NUP160: variants seen among roughly 807,000 people sequenced by gnomAD.
NUP160 encodes the protein nucleoporin 160.
In NUP160, 94 loss-of-function variants were observed where a neutral mutation model predicts 196.9. The observed-to-expected ratio is 0.48, with a 90% confidence interval of 0.40 to 0.57. NUP160 has a LOEUF of 0.57. Among genes scored for constraint, NUP160 ranks in the 20% least tolerant of loss-of-function variants. The probability of loss-of-function intolerance (pLI) is 0.00; values close to 1 mark genes in which losing one functional copy is unlikely to be tolerated. For missense variants in NUP160, 1,638 were observed against 1,748.3 expected (o/e 0.94, Z 1.13); for synonymous variants, 605 against 619.7 (o/e 0.98, Z 0.35).
At chr11:47,816,464 C>T (rs1336019830) in intron 11 of NUP160, among the ~76,000 whole-genome samples, 4 of 152,102 alleles carry the variant, frequency 2.6e-5, no homozygotes, top group Non-Finnish European at 5.9e-5. Flanking sequence ...ATCCATGAAG[C>T]TAAGTAGTAA....
intron 29 of NUP160, among the ~76,000 whole-genome samples, chr11:47,790,788 T>G (rs1043673400): frequency 1.3e-5 from 2 of 152,172 alleles, no homozygotes; most frequent in African/African-American, 4.8e-5. Flanking sequence ...GCAAGTGTCC[T>G]TTCCCCTCAG....
chr11:47,814,664 A>G (rs2097683308), intron 13 of NUP160, among the ~76,000 whole-genome samples: 1 of 152,016 alleles, frequency 6.6e-6, no homozygotes, highest in Admixed American at 6.6e-5. Context: ...AAGCTGTATA[A>G]TATTATGTCA....
intron 19 of NUP160, 127 bp from the exon 20 acceptor site, chr11:47,806,439 G>A (rs1454877401): frequency 1.6e-5 from 11 of 682,136 alleles, no homozygotes; most frequent in Non-Finnish European, 2.7e-5. Context: ...AATGTATCAC[G>A]GGTATATATC....
intron 8 of NUP160, 34 bp from the exon 9 acceptor site, chr11:47,821,855 TAAGA>T (rs1044922856): frequency 2.6e-6 from 4 of 1,532,640 alleles, no homozygotes; most frequent in East Asian, 2.2e-5. Context: ...AGGGATAAAA[TAAGA>T]AAGAAAGTAG....
chr11:47,835,023 C>G (rs1852146887), intron 7 of NUP160, among the ~76,000 whole-genome samples: 1 of 152,000 alleles, frequency 6.6e-6, no homozygotes, highest in Non-Finnish European at 1.5e-5. Context: ...AGAAGGGCAT[C>G]CAGGAAGGGC....
At chr11:47,781,148 G>A (rs2097660541) in intron 34 of NUP160, among the ~76,000 whole-genome samples, 1 of 152,066 alleles carries the variant, frequency 6.6e-6, no homozygotes, top group Non-Finnish European at 1.5e-5. Context: ...GCTTGAACCC[G>A]GGAGGCGGAG....
chr11:47,812,699 C>G (rs2097681869), intron 15 of NUP160, among the ~76,000 whole-genome samples, 183 bp downstream of exon 15: 1 of 152,164 alleles, frequency 6.6e-6, no homozygotes, highest in Non-Finnish European at 1.5e-5. Flanking sequence ...AAGTCTATTT[C>G]TAGACTTGAA....
At chr11:47,812,852 G>C in intron 15 of NUP160, 30 bp downstream of exon 15, 1 of 1,574,328 alleles carries the variant, frequency 6.4e-7, no homozygotes, top group South Asian at 1.2e-5. Flanking sequence ...ATTTCCATTA[G>C]GAAATGCACT....
chr11:47,786,189 T>TAAG (rs1231494806), intron 32 of NUP160, among the ~76,000 whole-genome samples: 1 of 152,156 alleles, frequency 6.6e-6, no homozygotes, highest in Non-Finnish European at 1.5e-5. Flanking sequence ...TTTTTGCCTG[T>TAAG]AAGAGTACCC....
intron 28 of NUP160, 197 bp from the exon 29 acceptor site, chr11:47,792,187 A>G (rs943759343): frequency 7.5e-6 from 4 of 531,104 alleles, no homozygotes; most frequent in African/African-American, 1.9e-5. Context: ...TAACTTAACC[A>G]TAACATATTA....
intron 23 of NUP160, among the ~76,000 whole-genome samples, 182 bp downstream of exon 23, chr11:47,801,628 TC>T (rs2097674230): frequency 6.6e-6 from 1 of 152,122 alleles, no homozygotes; most frequent in Non-Finnish European, 1.5e-5. Context: ...GGGATTACAG[TC>T]ATGAGCCACC....
At chr11:47,788,417 T>G in intron 30 of NUP160, 84 bp downstream of exon 30, 1 of 1,535,722 alleles carries the variant, frequency 6.5e-7, no homozygotes, top group Admixed American at 1.7e-5. Context: ...TTTATACCCA[T>G]CTACCATGCT....
intron 7 of NUP160, among the ~76,000 whole-genome samples, chr11:47,828,398 G>A (rs1052228462): frequency 1.3e-5 from 2 of 152,012 alleles, no homozygotes; most frequent in African/African-American, 2.4e-5. Context: ...GCATCAAAAA[G>A]AATCAAATAT....
intron 2 of NUP160, among the ~76,000 whole-genome samples, chr11:47,847,479 G>C (rs1052102716): frequency 6.6e-6 from 1 of 152,046 alleles, no homozygotes; most frequent in Admixed American, 6.6e-5. Flanking sequence ...CTGGTACCTA[G>C]CACAATGCCT....
intron 11 of NUP160, 119 bp from the exon 12 acceptor site, chr11:47,816,148 AACACAC>A: frequency 1.6e-6 from 1 of 614,890 alleles, no homozygotes; most frequent in Middle Eastern, 3.2e-4. Context: ...GCATACCTGG[AACACAC>A]ATCACCCAAG....
At chr11:47,848,432 A>C in exon 1 of NUP160, 1 of 1,536,268 alleles carries the variant, frequency 6.5e-7, no homozygotes, top group East Asian at 2.4e-5. Flanking sequence ...CCGGGAGCAG[A>C]AAGGCGGCTC....
At chr11:47,799,601 A>G (rs930940) in intron 23 of NUP160, among the ~76,000 whole-genome samples, 151,441 of 152,192 alleles carry the variant, frequency 1, 75,353 homozygotes, top group Middle Eastern at 1. Flanking sequence ...GCTGGAGTGC[A>G]GTGGCATGAT....
At chr11:47,832,440 A>G (rs958650801) in intron 7 of NUP160, among the ~76,000 whole-genome samples, 16 of 152,148 alleles carry the variant, frequency 1.1e-4, no homozygotes, top group African/African-American at 3.1e-4. Flanking sequence ...AACTTCCCCA[A>G]TTACTTCTGT....
chr11:47,835,655 C>G, exon 7 of NUP160: 4 of 1,576,236 alleles, frequency 2.5e-6, no homozygotes, highest in Non-Finnish European at 3.4e-6. Flanking sequence ...TCATACCTGT[C>G]CTCGTTTTGG....
Sources: allele counts gnomAD v4.1 joint callset (sites outside exome capture counted in the v4.1 genomes callset), GRCh38; gene constraint gnomAD v4.1.1; transcripts MANE v1.5; gene names NCBI Gene and HGNC (gene_info 2026-07-23, HGNC 2026-07-21).